The following DNAH14 variants were observed in gnomAD, a reference collection of about 807,000 sequenced individuals.
DNAH14 encodes axonemal beta dynein heavy chain 14.
A neutral mutation model predicts 520.9 loss-of-function variants in DNAH14; 478 were observed. That is an observed-to-expected ratio of 0.92 (90% CI 0.85 to 0.99). The LOEUF is 0.99. DNAH14 is among the 50% of genes least tolerant of loss of function. The pLI, the probability that DNAH14 is intolerant of heterozygous loss-of-function variation, is 0.00. For missense variants in DNAH14, 4,831 were observed against 5,234.5 expected (o/e 0.92, Z 2.38); for synonymous variants, 1,581 against 1,757.2 (o/e 0.90, Z 2.51).
chr1:224,944,296 T>C (rs2059639200), intron 1 of DNAH14, among the ~76,000 whole-genome samples: 1 of 152,234 alleles, frequency 6.6e-6, no homozygotes, highest in Admixed American at 6.5e-5. Context: ...AAGTCTATTT[T>C]ATCTGAGACT....
At position 225,038,865 on chromosome 1, in the gene DNAH14, A is replaced by T. The variant is rs989885952; in HGVS notation, c.1488+42A>T. The stretch of plus-strand genomic sequence containing the variant: ...AAAATATAAACATAGATTTTTTGCT[A>T]TAAAATGAATACATTTTAAAATTTA... On this transcript the variant is annotated intron_variant, in intron 12 of 85. Transcript: ENST00000682510. The T allele has an allele frequency of 2.8e-6, 4 of 1,409,696 alleles. No homozygotes were observed. In the African/African-American group the frequency reaches 6.0e-5, roughly 21 times the overall value. 87.3% of individuals were successfully genotyped at this position (1,409,696 alleles called of 1,614,324 possible).
At chr1:225,257,567 T>C (rs2092782319) in intron 44 of DNAH14, among the ~76,000 whole-genome samples, 1 of 149,904 alleles carries the variant, frequency 6.7e-6, no homozygotes, top group Admixed American at 6.7e-5. Context: ...TGAGACGGAG[T>C]CTCTGTCGCC....
intron 74 of DNAH14, among the ~76,000 whole-genome samples, chr1:225,359,617 C>T (rs1291550972): frequency 6.6e-6 from 1 of 152,164 alleles, no homozygotes; most frequent in Non-Finnish European, 1.5e-5. Flanking sequence ...GTGCCTCCAC[C>T]TGGAGGCTTC....
At chr1:225,371,670 G>A (rs1233254002) in intron 77 of DNAH14, among the ~76,000 whole-genome samples, 1 of 152,010 alleles carries the variant, frequency 6.6e-6, no homozygotes, top group African/African-American at 2.4e-5. Flanking sequence ...GAAAACCTGA[G>A]ATACTAGTAA....
At chr1:225,250,754 G>A (rs1469666437) in intron 43 of DNAH14, 1 of 487,278 alleles carries the variant, frequency 2.1e-6, no homozygotes. Flanking sequence ...GGGCAAAGCA[G>A]TGTAAATGGG....
chr1:224,975,380 A>G (rs1387741728), intron 8 of DNAH14, among the ~76,000 whole-genome samples: 2 of 151,736 alleles, frequency 1.3e-5, no homozygotes, highest in Non-Finnish European at 2.9e-5. Flanking sequence ...TTGGTAAGCT[A>G]TTGATTATTG....
chr1:224,970,894 G>A (rs1223502919), intron 7 of DNAH14, among the ~76,000 whole-genome samples: 1 of 152,066 alleles, frequency 6.6e-6, no homozygotes, highest in Non-Finnish European at 1.5e-5. Flanking sequence ...TAAGAACCAG[G>A]CATTATTCTA....
intron 20 of DNAH14, 109 bp downstream of exon 20, chr1:225,082,848 G>C: frequency 1.2e-6 from 1 of 861,188 alleles, no homozygotes; most frequent in Non-Finnish European, 1.8e-6. Flanking sequence ...AAGTTTATAA[G>C]AGTGCCTGGG....
rs1181959779 is a variant in DNAH14 at position 224,954,894 on chromosome 1, A to T, written c.78-65A>T. 7 of 1,315,410 alleles carry T rather than the reference A, an allele frequency of 5.3e-6. No homozygotes were observed. The East Asian group carries it at 1.6e-4, about 31-fold the overall frequency. 81.5% of individuals were successfully genotyped at this position (1,315,410 alleles called of 1,614,324 possible). On this transcript the variant is annotated intron_variant, in intron 2 of 85. Coordinates refer to ENST00000682510, the MANE Select transcript of DNAH14 (RefSeq NM_001367479.1). The stretch of plus-strand genomic sequence containing the variant: ...TGTGAAATTTTGGTAATATGCTAAT[A>T]GCTCAGTATTTTATTGGTGTGATTT...
chr1:225,108,704 A>G (rs1259748923), intron 23 of DNAH14, among the ~76,000 whole-genome samples: 1 of 152,074 alleles, frequency 6.6e-6, no homozygotes, highest in Non-Finnish European at 1.5e-5. Flanking sequence ...GTTGTGCAAA[A>G]GCTTTTTAAC....
chr1:224,971,849 C>CT (rs2061520135), intron 7 of DNAH14, among the ~76,000 whole-genome samples: 1 of 152,166 alleles, frequency 6.6e-6, no homozygotes, highest in East Asian at 1.9e-4. Flanking sequence ...GTGTAGATGA[C>CT]TGAGTAACAG....
chr1:225,372,602 A>G (rs1243973466), intron 77 of DNAH14, among the ~76,000 whole-genome samples: 1 of 152,240 alleles, frequency 6.6e-6, no homozygotes, highest in Non-Finnish European at 1.5e-5. Flanking sequence ...TAAATGTATA[A>G]CAATACAAAT....
At chr1:225,380,381 G>A in intron 80 of DNAH14, 59 bp downstream of exon 80, 1 of 1,479,354 alleles carries the variant, frequency 6.8e-7, no homozygotes, top group Non-Finnish European at 9.0e-7. Context: ...AAGGACTCTG[G>A]TGTCAGGAGT....
At chr1:225,382,877 A>T (rs1027064196) in intron 81 of DNAH14, among the ~76,000 whole-genome samples, 9 of 152,236 alleles carry the variant, frequency 5.9e-5, no homozygotes, top group African/African-American at 2.2e-4. Flanking sequence ...AAAATGAATG[A>T]AGTACTGATA....
At chr1:224,950,641 A>T (rs993833592) in intron 1 of DNAH14, among the ~76,000 whole-genome samples, 2 of 152,242 alleles carry the variant, frequency 1.3e-5, no homozygotes, top group African/African-American at 4.8e-5. Flanking sequence ...TCCAAAGTCA[A>T]TGCTGAGGTT....
In DNAH14 at chr1:225,367,859, T is replaced by C. The variant is rs1012145446; in HGVS notation, c.12145T>C (p.Cys4049Arg). The C allele has an allele frequency of 1.3e-6, 2 of 1,551,578 alleles. No individual in the cohort carries two copies. The highest frequency in any genetic ancestry group is 3.9e-5 in the Admixed American group (2 of 51,004). The change falls in exon 77 of 86, where the codon TGT becomes CGT. Residue 4049 changes from cysteine to arginine, a missense_variant. By Grantham distance (180) the Cys-to-Arg change is radical (BLOSUM62 -3). Transcript: ENST00000682510. ...AAGTAACTTACTTCAGACATTTGGA[T>C]GTACTGGGAGTGGAGAGGTAACAGA... ...LKSNLLQTFGCTGSGEVTEEI... is the reference protein window; with the variant it reads ...LKSNLLQTFGRTGSGEVTEEI...
intron 41 of DNAH14, among the ~76,000 whole-genome samples, chr1:225,217,448 A>G (rs1310028096): frequency 6.6e-6 from 1 of 152,212 alleles, no homozygotes; most frequent in Non-Finnish European, 1.5e-5. Context: ...GGGACGTTTA[A>G]GTCTGCAGAA....
chr1:225,361,040 T>C lies in DNAH14; in HGVS notation c.11987+149T>C, dbSNP rs2150550360. 5.3e-6 allele frequency: 4 copies of C among 750,264 alleles called. No homozygotes were observed. In the East Asian group the frequency reaches 1.1e-4, roughly 20 times the overall value. 46.5% of individuals were successfully genotyped at this position (750,264 alleles called of 1,614,324 possible). On this transcript the variant is annotated intron_variant, in intron 75 of 85. Transcript: ENST00000682510. Reference sequence around the variant, plus strand: ...GAAACTTAACCTATCTTATATTGGTTTTCTTTTCTCCAGGAACTTGAAAAC... The same window carrying C: ...GAAACTTAACCTATCTTATATTGGTCTTCTTTTCTCCAGGAACTTGAAAAC...
chr1:225,106,129 C>T (rs1014335697), intron 23 of DNAH14, among the ~76,000 whole-genome samples: 9 of 149,862 alleles, frequency 6.0e-5, no homozygotes, highest in Admixed American at 4.0e-4. Flanking sequence ...TTTATTTCTC[C>T]TTCACTTATG....
Sources: allele counts gnomAD v4.1 joint callset (sites outside exome capture counted in the v4.1 genomes callset), GRCh38; gene constraint gnomAD v4.1.1; transcripts MANE v1.5; gene names NCBI Gene and HGNC (gene_info 2026-07-23, HGNC 2026-07-21).